Variants in AXDND1 observed in about 807,000 individuals in gnomAD.
AXDND1 encodes the protein axonemal dynein light chain domain-containing protein 1.
A neutral mutation model predicts 137.5 loss-of-function variants in AXDND1; 110 were observed. The observed-to-expected ratio is 0.80, with a 90% CI of 0.69 to 0.94. The LOEUF (loss-of-function observed/expected upper bound fraction) is 0.94. AXDND1 is among the 40% of genes least tolerant of loss of function. The pLI, the probability that AXDND1 is intolerant of heterozygous loss-of-function variation, is 0.00. For synonymous variants in AXDND1, 414 were observed against 399.7 expected, an observed-to-expected ratio of 1.04 and a Z score of -0.43; for missense variants, 1,191 against 1,169.8, an observed-to-expected ratio of 1.02 and a Z score of -0.26.
At chr1:179,547,693 G>T (rs1672776667) in intron 25 of AXDND1, among the ~76,000 whole-genome samples, 1 of 152,076 alleles carries the variant, frequency 6.6e-6, no homozygotes, top group African/African-American at 2.4e-5. Context: ...TATACTTTAG[G>T]CTACCTCTAG....
At chr1:179,417,097 G>A (rs1277081240) in intron 12 of AXDND1, among the ~76,000 whole-genome samples, 2 of 151,664 alleles carry the variant, frequency 1.3e-5, no homozygotes, top group African/African-American at 2.4e-5. Context: ...CTGATGTTGA[G>A]CATTTTTTCA....
chr1:179,470,706 A>G (rs1663814146), intron 17 of AXDND1, among the ~76,000 whole-genome samples: 1 of 152,150 alleles, frequency 6.6e-6, no homozygotes, highest in Non-Finnish European at 1.5e-5. Flanking sequence ...TTTCTATACA[A>G]AAGATCATAC....
intron 11 of AXDND1, among the ~76,000 whole-genome samples, chr1:179,410,305 A>T (rs562860163): frequency 5.6e-4 from 85 of 152,306 alleles, no homozygotes; most frequent in Admixed American, 1.6e-3. Context: ...ATCTCGGCTC[A>T]CTGCAACCTC....
rs977879295 is a variant in AXDND1, at chr1:179,368,960, T to G, written c.258T>G (p.Ile86Met). ...AAAACTTACTACCTCCTAAGAAAAT[T>G]AAAACCCCAAAGGTTTGTATGTACA... ...CPENLLPPKK[I>M]KTPKGTLPRL... is the part of the protein sequence containing the mutation. The change falls in exon 3 of 26, where the codon ATT becomes ATG. Residue 86 changes from isoleucine to methionine, a missense_variant. By Grantham distance (10) the Ile-to-Met change is conservative. Transcript: ENST00000367618. The G allele has an allele frequency of 2.5e-6, 4 of 1,611,574 alleles. No homozygotes were observed. The highest frequency in any genetic ancestry group is 3.4e-6 in the Non-Finnish European group (4 of 1,178,662).
chr1:179,519,683 A>G (rs1669875526), intron 21 of AXDND1, among the ~76,000 whole-genome samples: 1 of 152,118 alleles, frequency 6.6e-6, no homozygotes, highest in Non-Finnish European at 1.5e-5. Flanking sequence ...GCTTTGTTGA[A>G]GATCAGATGG....
At chr1:179,463,957 T>C (rs1030813285) in intron 16 of AXDND1, among the ~76,000 whole-genome samples, 2 of 152,126 alleles carry the variant, frequency 1.3e-5, no homozygotes, top group African/African-American at 4.8e-5. Context: ...CTGTTTTTTT[T>C]CCCATTTGCT....
intron 13 of AXDND1, 57 bp from the exon 14 acceptor site, chr1:179,430,395 G>C: frequency 7.7e-7 from 1 of 1,301,356 alleles, no homozygotes; most frequent in African/African-American, 1.5e-5. Context: ...ATATGTTAAT[G>C]ACTATTTGTT....
In AXDND1 at chr1:179,375,987, A is replaced by G. The variant is rs1457083553; in HGVS notation, c.375-2650A>G. On this transcript the variant is annotated intron_variant, in intron 4 of 25. Coordinates refer to ENST00000367618, the MANE Select transcript of AXDND1 (RefSeq NM_144696.6). ...CACTAGAACTGGCCTGTTTCCACCA[A>G]CCTCACATGCCACATCAGCTGCCAA... is the stretch of plus-strand genomic sequence containing the variant. Among the ~76,000 whole-genome samples the G allele has an allele frequency of 2.6e-5, 4 of 152,106 alleles. No individual in the cohort carries two copies. In the East Asian group the frequency reaches 7.7e-4, roughly 29 times the overall value.
chr1:179,466,265 C>T, intron 16 of AXDND1, among the ~76,000 whole-genome samples: 1 of 141,434 alleles, frequency 7.1e-6, no homozygotes. Context: ...CTTTTCTTTT[C>T]TTTCTTTCTT....
intron 21 of AXDND1, among the ~76,000 whole-genome samples, chr1:179,516,449 T>C (rs1669548915): frequency 6.6e-6 from 1 of 152,236 alleles, no homozygotes; most frequent in Non-Finnish European, 1.5e-5. Flanking sequence ...GAATTCTTTT[T>C]CATGTAAATC....
At chr1:179,405,284 G>A (rs1352201436) in intron 11 of AXDND1, among the ~76,000 whole-genome samples, 1 of 152,160 alleles carries the variant, frequency 6.6e-6, no homozygotes, top group Non-Finnish European at 1.5e-5. Context: ...GTATTCCATG[G>A]TGTATATGTG....
chr1:179,416,394 T>A (rs36046838), intron 12 of AXDND1, among the ~76,000 whole-genome samples: 44,672 of 152,134 alleles, frequency 0.29, 6,781 homozygotes, highest in Non-Finnish European at 0.31. Flanking sequence ...TGGTATCTTT[T>A]GATATACTGA....
chr1:179,448,735 C>A (rs905411454), intron 16 of AXDND1: 5 of 165,516 alleles, frequency 3.0e-5, no homozygotes, highest in Non-Finnish European at 6.5e-5. Context: ...GAAGTCCATC[C>A]AACTTACCGA....
chr1:179,421,514 G>A (rs985204821), intron 12 of AXDND1, among the ~76,000 whole-genome samples: 1 of 151,310 alleles, frequency 6.6e-6, no homozygotes, highest in African/African-American at 2.4e-5. Context: ...CTCCTGAGTA[G>A]CTGGGAATAC....
intron 17 of AXDND1, among the ~76,000 whole-genome samples, chr1:179,482,210 A>G (rs559754687): frequency 2.0e-5 from 3 of 147,488 alleles, no homozygotes; most frequent in African/African-American, 7.6e-5. Context: ...TCTGAGTGAC[A>G]CTCACACTGT....
intron 15 of AXDND1, among the ~76,000 whole-genome samples, chr1:179,439,182 G>C (rs544316965): frequency 6.6e-6 from 1 of 152,296 alleles, no homozygotes; most frequent in East Asian, 1.9e-4. Flanking sequence ...GCCCACAGAA[G>C]GGGATAGGAG....
intron 17 of AXDND1, among the ~76,000 whole-genome samples, chr1:179,476,972 C>G (rs1035587358): frequency 2.6e-5 from 4 of 152,014 alleles, no homozygotes; most frequent in Non-Finnish European, 5.9e-5. Flanking sequence ...TCCAATACTC[C>G]CTTTATATGT....
At chr1:179,368,650 G>A (rs943119230) in intron 2 of AXDND1, 150 bp from the exon 3 acceptor site, 20 of 650,298 alleles carry the variant, frequency 3.1e-5, no homozygotes, top group African/African-American at 2.9e-4. Context: ...GATGTTCACT[G>A]TTTTCAATAT....
At chr1:179,476,556 G>GTT (rs71569254) in intron 17 of AXDND1, among the ~76,000 whole-genome samples, 10,625 of 150,416 alleles carry the variant, frequency 0.071, 453 homozygotes, top group African/African-American at 0.1. Flanking sequence ...AAATTCTTCG[G>GTT]TTTTTTTTTT....
Sources: gnomAD v4.1 joint callset for allele counts (sites outside exome capture counted in the v4.1 genomes callset) on GRCh38, gnomAD v4.1.1 for gene constraint, MANE v1.5 for transcripts, NCBI Gene and HGNC (gene_info 2026-07-23, HGNC 2026-07-21) for gene names.